Variants in AK4 observed in about 807,000 individuals in gnomAD.
The protein encoded by AK4 is adenylate kinase 4, mitochondrial.
Under a neutral mutation model 24.6 loss-of-function variants are expected in AK4, and 13 were observed. The observed-to-expected ratio is 0.53, with a 90% CI of 0.34 to 0.84. AK4 has a LOEUF of 0.84. Ranked by LOEUF, AK4 falls within the 40% of genes least tolerant of loss-of-function variation. The pLI, the probability that AK4 is intolerant of heterozygous loss-of-function variation, is 0.01. For missense variants in AK4, 192 were observed against 288.2 expected (o/e 0.67, Z 2.42); for synonymous variants, 88 against 107.0 (o/e 0.82, Z 1.10).
At chr1:65,160,635 C>T (rs1450396633) in intron 1 of AK4, among the ~76,000 whole-genome samples, 1 of 152,108 alleles carries the variant, frequency 6.6e-6, no homozygotes, top group African/African-American at 2.4e-5. Flanking sequence ...TGCTCTGTTG[C>T]TCAGGCTAGA....
rs188333125 is a variant in AK4, at chr1:65,173,499, C to T, written c.146-17211C>T. 1.6e-3 allele frequency among the ~76,000 whole-genome samples: 244 copies of T among 152,236 alleles called. 2 individuals are homozygous for T. Among genetic ancestry groups the T allele is most frequent in the African/African-American group, 5.7e-3 (238 of 41,550 alleles). On this transcript the variant is annotated intron_variant, in intron 1 of 4. Transcript: ENST00000327299. Reference sequence around the variant, plus strand: ...GATTGCATACTTCCCTGTAATTTTTCACTTCTGCGTTTCAGTCTTTCCTTG... The same window carrying T: ...GATTGCATACTTCCCTGTAATTTTTTACTTCTGCGTTTCAGTCTTTCCTTG...
In AK4 at chr1:65,218,970, C is replaced by G. The variant is rs766889299; in HGVS notation, c.438+44C>G. The G allele has an allele frequency of 7.7e-6, 11 of 1,435,220 alleles. No homozygotes were observed. The South Asian group carries it at 1.5e-4, about 20-fold the overall frequency. The allele number at this position is 1,435,220 out of a possible 1,614,324, so 88.9% of individuals were successfully genotyped here. Reference sequence around the variant, plus strand: ...CTTTCACAACCTGACAAGAAAAAGACAAACAATTTCCATTGAAAAGTGGAG... The same window carrying G: ...CTTTCACAACCTGACAAGAAAAAGAGAAACAATTTCCATTGAAAAGTGGAG... On this transcript the variant is annotated intron_variant, in intron 3 of 4. Coordinates refer to ENST00000327299, the MANE Select transcript of AK4 (RefSeq NM_013410.4).
At chr1:65,149,976 CA>C (rs937749920) in intron 1 of AK4, among the ~76,000 whole-genome samples, 3 of 152,138 alleles carry the variant, frequency 2.0e-5, no homozygotes, top group Non-Finnish European at 4.4e-5. Flanking sequence ...TGGGCTTCTT[CA>C]TGGTAGGGGC....
chr1:65,181,995 A>T (rs1373643412), intron 1 of AK4, among the ~76,000 whole-genome samples: 4 of 152,088 alleles, frequency 2.6e-5, no homozygotes, highest in African/African-American at 4.8e-5. Context: ...AGCTTGCTGC[A>T]CCCTGGAACT....
At chr1:65,169,101 A>G (rs973924796) in intron 1 of AK4, among the ~76,000 whole-genome samples, 1 of 150,654 alleles carries the variant, frequency 6.6e-6, no homozygotes, top group African/African-American at 2.4e-5. Flanking sequence ...GCTTGAACCT[A>G]GGAGTTCAAG....
chr1:65,181,424 T>A (rs1650903719), intron 1 of AK4, among the ~76,000 whole-genome samples: 1 of 148,302 alleles, frequency 6.7e-6, no homozygotes, highest in Admixed American at 6.9e-5. Context: ...TGAGACAGAG[T>A]CTCGCTCTGT....
chr1:65,214,529 T>C (rs909158691), intron 2 of AK4, among the ~76,000 whole-genome samples: 1 of 152,132 alleles, frequency 6.6e-6, no homozygotes, highest in Admixed American at 6.5e-5. Flanking sequence ...CGGGATTAAA[T>C]CCAGGTGCGT....
At chr1:65,178,101 G>A (rs1375253674) in intron 1 of AK4, among the ~76,000 whole-genome samples, 2 of 152,230 alleles carry the variant, frequency 1.3e-5, no homozygotes, top group South Asian at 2.1e-4. Flanking sequence ...AATTTGTAGG[G>A]TCCTGTGGAT....
intron 2 of AK4, among the ~76,000 whole-genome samples, chr1:65,215,926 C>T (rs1652115833): frequency 6.6e-6 from 1 of 152,070 alleles, no homozygotes; most frequent in Admixed American, 6.6e-5. Context: ...AACCTCTATC[C>T]GATATAAAGA....
At chr1:65,209,395 T>C (rs1651906976) in intron 2 of AK4, among the ~76,000 whole-genome samples, 1 of 152,230 alleles carries the variant, frequency 6.6e-6, no homozygotes, top group African/African-American at 2.4e-5. Context: ...GTGTTACTTT[T>C]AGTAAATGTA....
chr1:65,206,092 C>T (rs991095654), intron 2 of AK4, among the ~76,000 whole-genome samples: 2 of 152,164 alleles, frequency 1.3e-5, no homozygotes, highest in Non-Finnish European at 2.9e-5. Flanking sequence ...CGTCACTCTC[C>T]TTACATTATT....
intron 2 of AK4, among the ~76,000 whole-genome samples, chr1:65,206,158 C>A (rs1216678969): frequency 1.3e-5 from 2 of 152,134 alleles, no homozygotes; most frequent in Non-Finnish European, 2.9e-5. Flanking sequence ...CTCCCCTATC[C>A]CTCCACCCCC....
chr1:65,216,581 A>G (rs1265146048), intron 2 of AK4, among the ~76,000 whole-genome samples: 3 of 146,558 alleles, frequency 2.0e-5, no homozygotes, highest in African/African-American at 8.3e-5. Context: ...TTTGCGGGGA[A>G]AGAGTTTATA....
At chr1:65,224,296 T>A (rs1422822499) in intron 3 of AK4, among the ~76,000 whole-genome samples, 1 of 152,210 alleles carries the variant, frequency 6.6e-6, no homozygotes, top group African/African-American at 2.4e-5. Context: ...GAGATGGTAC[T>A]GAACCGTATT....
At position 65,190,723 on chromosome 1, in the gene AK4, G is replaced by A; in HGVS notation, c.159G>A (p.Met53Ile). The change falls in exon 2 of 5, where the codon ATG (methionine) becomes ATA (isoleucine). Residue 53 changes from methionine to isoleucine, a missense_variant. Met to Ile is a conservative substitution (Grantham distance 10, BLOSUM62 1). Transcript: ENST00000327299. The part of the protein sequence containing the change: ...NIKASTEVGE[M>I]AKQYIEKSLL... ...TCTTTTTAATAGAAGTTGGTGAGAT[G>A]GCAAAGCAGTATATAGAGAAAAGTC... is the stretch of plus-strand genomic sequence containing the variant. 6.2e-7 allele frequency: 1 copy of A among 1,610,086 alleles called. No individual in the cohort carries two copies. Among genetic ancestry groups the A allele is most frequent in the South Asian group, 1.1e-5 (1 of 89,790 alleles).
In AK4 at chr1:65,204,600, T is replaced by C. The variant is rs1651760583; in HGVS notation, c.265+13771T>C. Among the ~76,000 whole-genome samples, 3 of 152,218 alleles carry C rather than the reference T, an allele frequency of 2.0e-5. No individual in the cohort carries two copies. In the South Asian group the frequency reaches 6.2e-4, roughly 32 times the overall value. ...CTTTGTTCATCACCAAGGATATTAA[T>C]TCCTGTGAGAGCTCTTCAACATTAT... is the stretch of plus-strand genomic sequence containing the variant. On this transcript the variant is annotated intron_variant, in intron 2 of 4. Coordinates refer to ENST00000327299, the MANE Select transcript of AK4 (RefSeq NM_013410.4).
intron 2 of AK4, among the ~76,000 whole-genome samples, chr1:65,196,498 C>T (rs1487658264): frequency 6.6e-6 from 1 of 152,170 alleles, no homozygotes; most frequent in Non-Finnish European, 1.5e-5. Context: ...TGGAGTCTCT[C>T]TCTGTCACCC....
chr1:65,210,261 G>A (rs1417958803), intron 2 of AK4, among the ~76,000 whole-genome samples: 1 of 152,116 alleles, frequency 6.6e-6, no homozygotes, highest in Non-Finnish European at 1.5e-5. Context: ...CAGGGCCTCT[G>A]TGACCATTGC....
chr1:65,178,021 C>T (rs369299636), intron 1 of AK4, among the ~76,000 whole-genome samples: 40 of 151,670 alleles, frequency 2.6e-4, no homozygotes, highest in African/African-American at 8.9e-4. Flanking sequence ...AAGTCATGAC[C>T]GTGGCTGTCA....
Sources: allele counts gnomAD v4.1 joint callset (sites outside exome capture counted in the v4.1 genomes callset), GRCh38; gene constraint gnomAD v4.1.1; transcripts MANE v1.5; gene names NCBI Gene and HGNC (gene_info 2026-07-23, HGNC 2026-07-21).